The following MTG1 variants were observed in gnomAD, a reference collection of about 807,000 sequenced individuals.
MTG1 encodes the protein mitochondrial ribosome-associated GTPase 1.
MTG1 carries 30 observed loss-of-function variants against 39.5 expected under a neutral mutation model. That is an observed-to-expected ratio of 0.76 (90% CI 0.57 to 1.03). The LOEUF is 1.03. Ranked by LOEUF, MTG1 falls within the 50% of genes least tolerant of loss-of-function variation. MTG1 has a pLI of 0.00. For synonymous variants in MTG1, 217 were observed against 179.0 expected (o/e 1.21, Z -1.69); for missense variants, 513 against 447.4 (o/e 1.15, Z -1.32).
chr10:133,405,018 G>A (rs971702702), intron 9 of MTG1, among the ~76,000 whole-genome samples: 2 of 152,112 alleles, frequency 1.3e-5, no homozygotes, highest in African/African-American at 4.8e-5. Context: ...GTATTCTCAT[G>A]CATTTTTCAG....
At chr10:133,409,899 T>C (rs1850020702) in intron 9 of MTG1, among the ~76,000 whole-genome samples, 2 of 141,578 alleles carry the variant, frequency 1.4e-5, no homozygotes, top group South Asian at 4.6e-4. Context: ...CTATTCCTGC[T>C]CTTTTTTTTT....
intron 6 of MTG1, 62 bp downstream of exon 6, chr10:133,399,681 A>G: frequency 1.3e-6 from 2 of 1,529,360 alleles, no homozygotes; most frequent in Non-Finnish European, 1.8e-6. Flanking sequence ...TGATGTGCTG[A>G]TGCCACCATC....
rs574037778 is a variant in MTG1 at position 133,412,280 on chromosome 10, C to T, written c.753-7200C>T. 2.6e-5 allele frequency among the ~76,000 whole-genome samples: 4 copies of T among 152,218 alleles called. No individual in the cohort carries two copies. In the South Asian group the frequency reaches 8.3e-4, roughly 32 times the overall value. ...TTGGTGATGTCATTCCCTCTATTAA[C>T]TCTTCGCTATTTTTGATACTATTGT... On this transcript the variant is annotated intron_variant, in intron 9 of 10. Coordinates refer to ENST00000317502, the MANE Select transcript of MTG1 (RefSeq NM_138384.4).
rs1850205499 is a variant in MTG1 at position 133,420,073 on chromosome 10, T to C, written c.913T>C (p.Phe305Leu). ...QPNYPAAARDFLQTFRRGLLG... is the reference protein window; with the variant it reads ...QPNYPAAARDLLQTFRRGLLG... ...TAACTATCCTGCGGCAGCCCGTGAC[T>C]TCCTGCAGACTTTCCGCCGTGGGCT... The change falls in exon 11 of 11, where the codon TTC (phenylalanine) becomes CTC (leucine). Residue 305 changes from phenylalanine (F) to leucine (L), a missense_variant. By Grantham distance (22) the Phe-to-Leu change is conservative. Coordinates refer to ENST00000317502, the MANE Select transcript of MTG1 (RefSeq NM_138384.4). 1 of 1,613,522 alleles carries C rather than the reference T, an allele frequency of 6.2e-7. No homozygotes were observed. The highest frequency in any genetic ancestry group is 8.5e-7 in the Non-Finnish European group (1 of 1,179,718).
chr10:133,395,805 C>T (rs772792096), intron 2 of MTG1, 28 bp downstream of exon 2: 4 of 1,610,416 alleles, frequency 2.5e-6, no homozygotes, highest in South Asian at 1.1e-5. Context: ...AGGGGAGGCC[C>T]CTCTGCCTGA....
At position 133,402,131 on chromosome 10, in the gene MTG1, C is replaced by T. The variant is rs774171776; in HGVS notation, c.574-18C>T. On this transcript the variant is annotated intron_variant, in intron 7 of 10. Transcript: ENST00000317502. The surrounding 1 kb of genome is among the most constrained non-coding windows in gnomAD (Gnocchi z 4.7). ...AGGCTGCCACCGCGGCCTGATCATG[C>T]CCTCTGTGCCCACACAGGTCTCTGA... 2 of 1,613,898 alleles carry T rather than the reference C, an allele frequency of 1.2e-6. No individual in the cohort carries two copies. Among genetic ancestry groups the T allele is most frequent in the Non-Finnish European group, 1.7e-6 (2 of 1,179,942 alleles).
rs1280961296 is a variant in MTG1, at chr10:133,420,356, C to T, written c.*191C>T. On this transcript the variant is annotated 3_prime_UTR_variant, in exon 11 of 11. Coordinates refer to ENST00000317502, the MANE Select transcript of MTG1 (RefSeq NM_138384.4). ...CAGGGCCCAAGCAGGTGGGAGTGGA[C>T]ACCAGGCTTCCCAGTGGACGTCCCT... 1.7e-6 allele frequency: 1 copy of T among 585,208 alleles called. No homozygotes were observed. Among genetic ancestry groups the T allele is most frequent in the Admixed American group, 3.6e-5 (1 of 27,936 alleles). The allele number at this position is 585,208 out of a possible 1,614,324, so 36.3% of individuals were successfully genotyped here.
At chr10:133,414,029 G>A (rs1021238129) in intron 9 of MTG1, among the ~76,000 whole-genome samples, 14 of 149,236 alleles carry the variant, frequency 9.4e-5, no homozygotes, top group Non-Finnish European at 1.8e-4. Context: ...AGTGAACGAA[G>A]GTCTCTGGTT....
At chr10:133,405,503 T>TC (rs1219968394) in intron 9 of MTG1, among the ~76,000 whole-genome samples, 1 of 152,188 alleles carries the variant, frequency 6.6e-6, no homozygotes, top group African/African-American at 2.4e-5. Context: ...CATCCCCTCT[T>TC]CCCCTCACCT....
intron 9 of MTG1, among the ~76,000 whole-genome samples, chr10:133,414,877 T>C (rs1013853700): frequency 2.0e-5 from 3 of 152,200 alleles, no homozygotes; most frequent in African/African-American, 4.8e-5. Context: ...CTGGGCACCA[T>C]TGAGCACTGA....
chr10:133,404,535 C>T (rs965633757), intron 9 of MTG1, among the ~76,000 whole-genome samples: 4 of 151,974 alleles, frequency 2.6e-5, no homozygotes, highest in East Asian at 1.9e-4. Context: ...CAGTGTTTTC[C>T]GAGGAGTAGA....
chr10:133,419,392 T>C (rs750859066), intron 9 of MTG1, 88 bp from the exon 10 acceptor site: 6 of 1,118,088 alleles, frequency 5.4e-6, no homozygotes, highest in Non-Finnish European at 6.4e-6. Context: ...CCGTGGCCTT[T>C]GTGGCATTCA....
chr10:133,399,714 A>T, intron 6 of MTG1, 95 bp downstream of exon 6: 1 of 1,292,184 alleles, frequency 7.7e-7, no homozygotes, highest in Non-Finnish European at 1.1e-6. Context: ...GACGTGCCCG[A>T]GGAGCACTGC....
At position 133,399,195 on chromosome 10, in the gene MTG1, T is replaced by C; in HGVS notation, c.389T>C (p.Ile130Thr). 1.9e-6 allele frequency: 3 copies of C among 1,613,992 alleles called. No homozygotes were observed. The highest frequency in any genetic ancestry group is 1.1e-5 in the South Asian group (1 of 91,066). The part of the protein sequence containing the change: ...KQIIPMVTEL[I>T]GRSHRYHRKE... The stretch of plus-strand genomic sequence containing the variant: ...ATCATCCCGATGGTCACTGAACTGA[T>C]TGGGAGAAGCCACCGCTACCACCGA... The change falls in exon 5 of 11, where the codon ATT becomes ACT. Residue 130 changes from isoleucine (I) to threonine (T), a missense_variant. Ile to Thr is a moderately conservative substitution (Grantham distance 89). Transcript: ENST00000317502.
chr10:133,402,252 CGGGGCT>C lies in MTG1; in HGVS notation c.670+29_670+34del, dbSNP rs145673810. 0.34 allele frequency: 442,177 copies of C among 1,307,470 alleles called. 66,341 individuals are homozygous for C. The highest frequency in any genetic ancestry group is 0.56 in the African/African-American group (40,465 of 72,572). The allele number at this position is 1,307,470 out of a possible 1,614,324, so 81.0% of individuals were successfully genotyped here. A position where few individuals can be genotyped will look rare whatever the true frequency, so the allele number is the denominator to read the frequency against. On this transcript the variant is annotated splice_region_variant and intron_variant, in intron 8 of 10. Transcript: ENST00000317502. This position sits in a 1 kb window ranked among gnomAD's most constrained non-coding sequence, Gnocchi z 4.7. ...CTGAAGCTGGCCCTGTGTGGTGAGC[CGGGGCT>C]GGGGCTGGGGCTGGGGCTGGGACCG...
intron 1 of MTG1, 55 bp from the exon 2 acceptor site, chr10:133,395,658 G>T: frequency 1.3e-6 from 2 of 1,557,888 alleles, no homozygotes; most frequent in Non-Finnish European, 1.8e-6. Flanking sequence ...AGCTTGAATC[G>T]ATCACTCTAG....
intron 6 of MTG1, among the ~76,000 whole-genome samples, chr10:133,400,615 CATTT>C (rs1849860865): frequency 6.6e-6 from 1 of 152,154 alleles, no homozygotes; most frequent in African/African-American, 2.4e-5. Flanking sequence ...TTGTTACAGT[CATTT>C]ATTCTTTTAA....
At chr10:133,397,796 A>T (rs1225081660) in intron 3 of MTG1, among the ~76,000 whole-genome samples, 13 of 120,022 alleles carry the variant, frequency 1.1e-4, no homozygotes, top group Admixed American at 2.5e-4. Flanking sequence ...TTTTTTTTTT[A>T]AATCATCGCA....
chr10:133,398,448 A>G lies in MTG1; in HGVS notation c.296A>G (p.His99Arg), dbSNP rs766548134. 6.2e-7 allele frequency: 1 copy of G among 1,612,312 alleles called. No individual in the cohort carries two copies. Among genetic ancestry groups the G allele is most frequent in the Admixed American group, 1.7e-5 (1 of 59,452 alleles). Residue 99 changes from histidine to arginine, a missense_variant, in exon 4 of 11, where the codon CAC becomes CGC. His to Arg is a conservative substitution (Grantham distance 29). Transcript: ENST00000317502. ...DLTEQQKIMQ[H>R]LEGEGLKNVI... The stretch of plus-strand genomic sequence containing the variant: ...TGTGTCTTTCAGAAAATTATGCAAC[A>G]CTTAGAAGGAGAAGGCCTAAAAAAT...
Sources: allele counts gnomAD v4.1 joint callset (sites outside exome capture counted in the v4.1 genomes callset), GRCh38; gene constraint gnomAD v4.1.1; non-coding constraint Gnocchi (gnomAD v3.1); transcripts MANE v1.5; gene names NCBI Gene and HGNC (gene_info 2026-07-23, HGNC 2026-07-21).